Variants in TRIOBP observed in about 807,000 individuals in gnomAD.
The protein encoded by TRIOBP is TRIO and F-actin binding protein.
Under a neutral mutation model 238.8 loss-of-function variants are expected in TRIOBP, and 169 were observed. The observed-to-expected ratio is 0.71, with a 90% CI of 0.62 to 0.80. The LOEUF (loss-of-function observed/expected upper bound fraction) is 0.80. Ranked by LOEUF, TRIOBP falls within the 30% of genes least tolerant of loss-of-function variation. TRIOBP has a pLI of 0.00. For synonymous variants in TRIOBP, 1,150 were observed against 1,274.4 expected, an observed-to-expected ratio of 0.90 and a Z score of 2.08; for missense variants, 2,838 against 3,122.6, an observed-to-expected ratio of 0.91 and a Z score of 2.17.
At chr22:37,727,148 A>G (rs1437136510) in intron 7 of TRIOBP, among the ~76,000 whole-genome samples, 1 of 150,766 alleles carries the variant, frequency 6.6e-6, no homozygotes, top group African/African-American at 2.4e-5. Flanking sequence ...ACCTCAAGTG[A>G]TCCACCCGCC....
intron 3 of TRIOBP, among the ~76,000 whole-genome samples, chr22:37,706,999 G>A (rs1384823056): frequency 6.6e-6 from 1 of 152,196 alleles, no homozygotes. Context: ...CGGGCGCGGT[G>A]GCTCACGCCT....
Position 37,738,641 on chromosome 22 carries a change from G to C in TRIOBP, c.5107-1G>C, listed in dbSNP as rs577587394. On this transcript the variant is annotated splice_acceptor_variant, in intron 9 of 23. Transcript: ENST00000644935. LOFTEE classifies it high-confidence loss of function. ...AGCTGTGTTCTTTTTTTAATCTCCAGTTCCAACCAGAGGAGCCTGAGGAGT... is the reference window on the plus strand; with the variant it reads ...AGCTGTGTTCTTTTTTTAATCTCCACTTCCAACCAGAGGAGCCTGAGGAGT... 1 of 1,613,860 alleles carries C rather than the reference G, an allele frequency of 6.2e-7. No homozygotes were observed. The highest frequency in any genetic ancestry group is 1.7e-5 in the Admixed American group (1 of 59,992).
intron 18 of TRIOBP, 111 bp downstream of exon 18, chr22:37,765,928 C>A: frequency 7.2e-7 from 1 of 1,380,172 alleles, no homozygotes; most frequent in Non-Finnish European, 9.7e-7. Context: ...GGTCTCAGTG[C>A]CACATTTGGG....
At chr22:37,762,655 AGC>A (rs552890795) in intron 17 of TRIOBP, among the ~76,000 whole-genome samples, 85 of 152,246 alleles carry the variant, frequency 5.6e-4, no homozygotes, top group African/African-American at 2.0e-3. Flanking sequence ...ATAACTGGGG[AGC>A]AGAGCTGAAG....
At chr22:37,707,658 T>C (rs1427527775) in intron 3 of TRIOBP, among the ~76,000 whole-genome samples, 1 of 151,408 alleles carries the variant, frequency 6.6e-6, no homozygotes, top group Non-Finnish European at 1.5e-5. Context: ...AAAAAAAAAA[T>C]TGGCTGGGAG....
In TRIOBP at chr22:37,726,395, G is replaced by A; in HGVS notation, c.3839G>A (p.Arg1280Lys). Residue 1280 changes from arginine (R) to lysine (K), a missense_variant, in exon 7 of 24, where the codon AGG (arginine) becomes AAG (lysine). Physicochemically the swap from Arg to Lys is conservative, Grantham distance 26. Transcript: ENST00000644935. The stretch of plus-strand genomic sequence containing the variant: ...GTGCTGGCCGACCTGCCCCCACCCA[G>A]GAGGCTGGCCCAGAGACAGCCAGGG... ...YTVLADLPPP[R>K]RLAQRQPGPQ... The A allele has an allele frequency of 6.3e-7, 1 of 1,587,400 alleles. No individual in the cohort carries two copies. The highest frequency in any genetic ancestry group is 8.6e-7 in the Non-Finnish European group (1 of 1,166,530).
chr22:37,729,282 C>A (rs988424748), intron 7 of TRIOBP, among the ~76,000 whole-genome samples: 1 of 151,782 alleles, frequency 6.6e-6, no homozygotes, highest in African/African-American at 2.4e-5. Flanking sequence ...GTGGCGTGAT[C>A]ATGGCTCACT....
chr22:37,751,691 G>T lies in TRIOBP; in HGVS notation c.5323-81G>T, dbSNP rs1925612555. On this transcript the variant is annotated intron_variant, in intron 11 of 23. Coordinates refer to ENST00000644935, the MANE Select transcript of TRIOBP (RefSeq NM_001039141.3). ...CGGTCCCACAGGACTTGGGGACAGG[G>T]TGGGTGCAGCACGCTCCCCTCACCA... The T allele has an allele frequency of 3.3e-6, 5 of 1,507,302 alleles. No homozygotes were observed. In the Admixed American group the frequency reaches 8.4e-5, roughly 25 times the overall value. The allele number at this position is 1,507,302 out of a possible 1,614,324, so 93.4% of individuals were successfully genotyped here.
At chr22:37,744,902 G>C (rs564735253) in intron 11 of TRIOBP, among the ~76,000 whole-genome samples, 1 of 151,818 alleles carries the variant, frequency 6.6e-6, no homozygotes, top group Non-Finnish European at 1.5e-5. Context: ...GTCTCGCTCC[G>C]TCTCCCAAGG....
chr22:37,759,780 C>T (rs1207841785), intron 17 of TRIOBP: 1 of 1,375,692 alleles, frequency 7.3e-7, no homozygotes, highest in African/African-American at 1.5e-5. Context: ...ATTTTGTCCC[C>T]CTTGGGGACA....
chr22:37,698,431 G>T, intron 2 of TRIOBP, among the ~76,000 whole-genome samples: 1 of 125,342 alleles, frequency 8.0e-6, no homozygotes, highest in East Asian at 2.7e-4. Flanking sequence ...TAGCTCCACT[G>T]CAACCTCCAC....
chr22:37,715,814 CT>C lies in TRIOBP; in HGVS notation c.509del (p.Leu170ProfsTer3). ...GGAGGAGGCCCCCAGCTGGGACGAG[CT>C]CGCAGTGATGATCCCGAGGAGGCCT... Reference protein sequence around the residue: ...QEEEAPSWDELAVMIPRRPRE... With the variant: ...QEEEAPSWDEXAVMIPRRPRE... On this transcript the variant is annotated frameshift_variant, in exon 6 of 24. Coordinates refer to ENST00000644935, the MANE Select transcript of TRIOBP (RefSeq NM_001039141.3). LOFTEE classifies it high-confidence loss of function. The C allele has an allele frequency of 6.2e-7, 1 of 1,614,116 alleles. No individual in the cohort carries two copies. Among genetic ancestry groups the C allele is most frequent in the Non-Finnish European group, 8.5e-7 (1 of 1,180,016 alleles).
chr22:37,710,104 G>T (rs1369520497), intron 3 of TRIOBP, among the ~76,000 whole-genome samples: 1 of 152,248 alleles, frequency 6.6e-6, no homozygotes, highest in Non-Finnish European at 1.5e-5. Flanking sequence ...GTACCCGCGG[G>T]ACCTGCGTAG....
At position 37,771,811 on chromosome 22, in the gene TRIOBP, C is replaced by G. The variant is rs766832285; in HGVS notation, c.6936+75C>G. On this transcript the variant is annotated intron_variant, in intron 22 of 23. Coordinates refer to ENST00000644935, the MANE Select transcript of TRIOBP (RefSeq NM_001039141.3). Reference sequence around the variant, plus strand: ...GGATGCCATCCTGTGAGCACCTGCTCTGTGCCAAGCCCTCCACTCGCTTCA... The same window carrying G: ...GGATGCCATCCTGTGAGCACCTGCTGTGTGCCAAGCCCTCCACTCGCTTCA... The G allele has an allele frequency of 5.2e-6, 7 of 1,333,464 alleles. No individual in the cohort carries two copies. In the African/African-American group the frequency reaches 1.0e-4, roughly 19 times the overall value. 82.6% of individuals were successfully genotyped at this position (1,333,464 alleles called of 1,614,324 possible).
At chr22:37,772,543 G>C in intron 22 of TRIOBP, 58 bp from the exon 23 acceptor site, 1 of 1,611,776 alleles carries the variant, frequency 6.2e-7, no homozygotes, top group Non-Finnish European at 8.5e-7. Flanking sequence ...CCATGTGCCC[G>C]GTTGGCAGGG....
rs139435527 is a variant in TRIOBP, at chr22:37,751,807, G to T, written c.5358G>T (p.Ser1786=). 2.5e-4 allele frequency: 404 copies of T among 1,613,970 alleles called. No individual in the cohort carries two copies. The highest frequency in any genetic ancestry group is 3.3e-4 in the Non-Finnish European group (384 of 1,180,008). The change falls in exon 12 of 24, where the codon TCG becomes TCT. Residue 1786 remains serine, a synonymous_variant. Transcript: ENST00000644935. ...DLLNFKKGWM[S]ILDEPGEPPS... The stretch of plus-strand genomic sequence containing the variant: ...TCAACTTCAAGAAGGGATGGATGTC[G>T]ATCTTGGACGAGCCTGGAGAGGTAA...
At chr22:37,770,616 A>T (rs550140182) in intron 21 of TRIOBP, among the ~76,000 whole-genome samples, 2 of 151,938 alleles carry the variant, frequency 1.3e-5, no homozygotes, top group South Asian at 4.2e-4. Flanking sequence ...ACCTCAGGTG[A>T]TCCGCCCACT....
In TRIOBP at chr22:37,725,170, T is replaced by C; in HGVS notation, c.2614T>C (p.Cys872Arg). Residue 872 changes from cysteine (C) to arginine (R), a missense_variant, in exon 7 of 24, where the codon TGC (cysteine) becomes CGC (arginine). Transcript: ENST00000644935. ...CCCTGGAACCTCCTCATCTCAATGC[T>C]GCACCCAAAAGGAGAATCTGAGACC... The part of the protein sequence containing the change: ...DNPGTSSSQC[C>R]TQKENLRPSS... 2 of 1,614,102 alleles carry C rather than the reference T, an allele frequency of 1.2e-6. No individual in the cohort carries two copies. Among genetic ancestry groups the C allele is most frequent in the South Asian group, 2.2e-5 (2 of 91,074 alleles).
rs12160218 is a variant in TRIOBP at position 37,725,280 on chromosome 22, G to A, written c.2724G>A (p.Ser908=). The A allele has an allele frequency of 5.4e-4, 878 of 1,613,810 alleles. 5 individuals are homozygous for A. The African/African-American group carries it at 9.9e-3, about 18-fold the overall frequency. Residue 908 remains serine (S), a synonymous_variant, in exon 7 of 24, where the codon TCG becomes TCA. Transcript: ENST00000644935. ...CTAACAAAGACATCCCCTGGGCCTC[G>A]TTTCCCCTCCGGCCAACTCAGAGTG... ...HRTNKDIPWA[S]FPLRPTQSDG... is the part of the protein sequence containing the mutation.
Sources: allele counts gnomAD v4.1 joint callset (sites outside exome capture counted in the v4.1 genomes callset), GRCh38; gene constraint gnomAD v4.1.1; transcripts MANE v1.5; gene names NCBI Gene and HGNC (gene_info 2026-07-23, HGNC 2026-07-21).